The following RILPL1 variants were observed in gnomAD, a reference collection of about 807,000 sequenced individuals.
The protein encoded by RILPL1 is RILP-like protein 1.
RILPL1 carries 33 observed loss-of-function variants against 50.3 expected under a neutral mutation model. That is an observed-to-expected ratio of 0.66 (90% CI 0.50 to 0.88). RILPL1 has a LOEUF of 0.88. Ranked by LOEUF, RILPL1 falls within the 40% of genes least tolerant of loss-of-function variation. RILPL1 has a pLI of 0.00. For missense variants in RILPL1, 418 were observed against 542.5 expected, an observed-to-expected ratio of 0.77 and a Z score of 2.28; for synonymous variants, 205 against 228.6, an observed-to-expected ratio of 0.90 and a Z score of 0.93.
At chr12:123,515,151 C>T (rs1030167971) in intron 2 of RILPL1, 1 of 151,860 alleles carries the variant, frequency 6.6e-6, no homozygotes, top group Non-Finnish European at 1.5e-5. Flanking sequence ...AGACTGGTCC[C>T]AAATTCCTGG....
At chr12:123,504,942 C>A (rs1354187411) in intron 2 of RILPL1, among the ~76,000 whole-genome samples, 1 of 152,176 alleles carries the variant, frequency 6.6e-6, no homozygotes, top group East Asian at 1.9e-4. Flanking sequence ...GACTCTAGTC[C>A]CCACTTTCTC....
intron 2 of RILPL1, among the ~76,000 whole-genome samples, chr12:123,508,260 G>A (rs983051222): frequency 1.3e-5 from 2 of 152,142 alleles, no homozygotes; most frequent in South Asian, 2.1e-4. Context: ...CAGGCGTGGT[G>A]GCCCACGCCT....
rs531240545 is a variant in RILPL1, at chr12:123,515,801, T to C, written c.460+7694A>G. Reference sequence around the variant, plus strand: ...TGTAATCCCAGCACTTTGGGAGGGTTAGGGGGGCAGATCACCTGAGGTCGG... The same window carrying C: ...TGTAATCCCAGCACTTTGGGAGGGTCAGGGGGGCAGATCACCTGAGGTCGG... On this transcript the variant is annotated intron_variant, in intron 2 of 6. Transcript: ENST00000376874. 3.4e-5 allele frequency among the ~76,000 whole-genome samples: 5 copies of C among 149,246 alleles called. No homozygotes were observed. The South Asian group carries it at 8.7e-4, about 26-fold the overall frequency.
At chr12:123,511,963 TCTGTGTG>T (rs1291239699) in intron 2 of RILPL1, among the ~76,000 whole-genome samples, 2 of 95,986 alleles carry the variant, frequency 2.1e-5, no homozygotes, top group African/African-American at 9.7e-5. Flanking sequence ...TGGTGTGAGA[TCTGTGTG>T]TGTGTGAGGT....
At chr12:123,486,087 G>A (rs1193835267) in intron 4 of RILPL1, among the ~76,000 whole-genome samples, 1 of 152,080 alleles carries the variant, frequency 6.6e-6, no homozygotes, top group Non-Finnish European at 1.5e-5. Context: ...ACATGACAAG[G>A]CATCCAGGGA....
chr12:123,472,800 G>T, intron 6 of RILPL1, 118 bp from the exon 7 acceptor site: 2 of 1,121,946 alleles, frequency 1.8e-6, no homozygotes, highest in Non-Finnish European at 2.5e-6. Context: ...TCAATTCAAG[G>T]TGTGAAAGAC....
At position 123,528,430 on chromosome 12, in the gene RILPL1, TTTG is replaced by T. The variant is rs1344565456; in HGVS notation, c.309+4741_309+4743del. On this transcript the variant is annotated intron_variant, in intron 1 of 6. Coordinates refer to ENST00000376874, the MANE Select transcript of RILPL1 (RefSeq NM_178314.5). ...GTTTGTGTTGATTTTTTTGTTGTTG[TTTG>T]TTTTTTTTTTTTGAGACGGAGTCTC... 5.0e-5 allele frequency among the ~76,000 whole-genome samples: 5 copies of T among 99,420 alleles called. No homozygotes were observed. In the South Asian group the frequency reaches 1.1e-3, roughly 23 times the overall value. 65.2% of individuals were successfully genotyped at this position (99,420 alleles called of 152,430 possible). A position where few individuals can be genotyped will look rare whatever the true frequency, so the allele number is the denominator to read the frequency against.
At chr12:123,490,308 C>T (rs1261114452) in intron 4 of RILPL1, among the ~76,000 whole-genome samples, 2 of 152,320 alleles carry the variant, frequency 1.3e-5, no homozygotes, top group East Asian at 3.9e-4. Context: ...GCCCCTATGT[C>T]TGGGCTTTCA....
chr12:123,530,709 T>C (rs1184319188), intron 1 of RILPL1, among the ~76,000 whole-genome samples: 1 of 152,248 alleles, frequency 6.6e-6, no homozygotes, highest in African/African-American at 2.4e-5. Flanking sequence ...CATTGCTTTC[T>C]AGAATTTATT....
chr12:123,500,998 C>T (rs991838932), intron 2 of RILPL1, among the ~76,000 whole-genome samples: 9 of 151,796 alleles, frequency 5.9e-5, no homozygotes, highest in Non-Finnish European at 1.3e-4. Flanking sequence ...ATCCCAGCTA[C>T]TCGGGAGGCT....
intron 2 of RILPL1, among the ~76,000 whole-genome samples, chr12:123,512,090 GTGTGAGGTC>G (rs1228698453): frequency 7.0e-6 from 1 of 142,244 alleles, no homozygotes; most frequent in Non-Finnish European, 1.5e-5. Context: ...TGTGTGGTGT[GTGTGAGGTC>G]TGTGTGTGGT....
At chr12:123,512,743 T>TTG (rs536796187) in intron 2 of RILPL1, among the ~76,000 whole-genome samples, 13 of 113,476 alleles carry the variant, frequency 1.1e-4, no homozygotes, top group African/African-American at 3.8e-4. Context: ...TGTGTGAAGT[T>TTG]TGTGTGTGTG....
intron 1 of RILPL1, among the ~76,000 whole-genome samples, chr12:123,532,388 A>C (rs1885464678): frequency 6.6e-6 from 1 of 152,180 alleles, no homozygotes; most frequent in Non-Finnish European, 1.5e-5. Flanking sequence ...GCTTAGCCTT[A>C]AAGCCACCCC....
intron 2 of RILPL1, among the ~76,000 whole-genome samples, chr12:123,504,202 G>A (rs1012879308): frequency 9.2e-5 from 14 of 152,068 alleles, no homozygotes; most frequent in African/African-American, 3.4e-4. Context: ...GGCTCAATCC[G>A]AGGTGAACAA....
intron 2 of RILPL1, among the ~76,000 whole-genome samples, chr12:123,501,361 C>G (rs1050357673): frequency 7.9e-5 from 12 of 151,922 alleles, no homozygotes; most frequent in African/African-American, 2.9e-4. Context: ...GGGAGGAACA[C>G]TTGAGCCCAG....
intron 6 of RILPL1, among the ~76,000 whole-genome samples, chr12:123,476,472 C>T (rs1449447201): frequency 2.0e-5 from 3 of 150,988 alleles, no homozygotes; most frequent in African/African-American, 7.3e-5. Flanking sequence ...AAATAGGGTC[C>T]TTACAAATGT....
At chr12:123,513,544 C>T (rs905254058) in intron 2 of RILPL1, 1 of 207,604 alleles carries the variant, frequency 4.8e-6, no homozygotes, top group Admixed American at 5.5e-5. Context: ...GCTTCGGCCT[C>T]TTAGTTGCTT....
chr12:123,489,286 C>G lies in RILPL1; in HGVS notation c.802-3481G>C, dbSNP rs988691802. Among the ~76,000 whole-genome samples the G allele has an allele frequency of 2.0e-5, 3 of 152,110 alleles. No individual in the cohort carries two copies. Among genetic ancestry groups the G allele is most frequent in the Non-Finnish European group, 4.4e-5 (3 of 68,028 alleles). ...CCTGTAATCCCAGTACTTTGGGAGG[C>G]TGAGGCAGGCGGATCACCTGAAGTC... On this transcript the variant is annotated intron_variant, in intron 4 of 6. Transcript: ENST00000376874. This position sits in a 1 kb window ranked among gnomAD's most constrained non-coding sequence, Gnocchi z 4.0.
chr12:123,497,149 C>T (rs1157820257), intron 4 of RILPL1, among the ~76,000 whole-genome samples: 1 of 152,214 alleles, frequency 6.6e-6, no homozygotes, highest in Non-Finnish European at 1.5e-5. Context: ...GAATCATATC[C>T]CCCTGTATGG....
Sources: allele counts gnomAD v4.1 joint callset (sites outside exome capture counted in the v4.1 genomes callset), GRCh38; gene constraint gnomAD v4.1.1; non-coding constraint Gnocchi (gnomAD v3.1); transcripts MANE v1.5; gene names NCBI Gene and HGNC (gene_info 2026-07-23, HGNC 2026-07-21).